SPINT2: variants seen among roughly 807,000 people sequenced by gnomAD.
The protein encoded by SPINT2 is serine peptidase inhibitor, Kunitz type 2.
SPINT2 carries 18 observed loss-of-function variants against 30.1 expected under a neutral mutation model. The observed-to-expected ratio is 0.60, with a 90% CI of 0.41 to 0.89. SPINT2 has a LOEUF of 0.89. Ranked by LOEUF, SPINT2 falls within the 40% of genes least tolerant of loss-of-function variation. The pLI, the probability that SPINT2 is intolerant of heterozygous loss-of-function variation, is 0.00. For synonymous variants in SPINT2, 139 were observed against 137.9 expected (o/e 1.01, Z -0.05); for missense variants, 276 against 334.3 (o/e 0.83, Z 1.36).
At chr19:38,274,289 C>T (rs1469771645) in intron 1 of SPINT2, among the ~76,000 whole-genome samples, 2 of 151,368 alleles carry the variant, frequency 1.3e-5, no homozygotes, top group East Asian at 1.9e-4. Flanking sequence ...TTAAAAACTC[C>T]TTTAATCTTC....
At chr19:38,283,601 T>A in intron 1 of SPINT2, 26 bp from the exon 2 acceptor site, 1 of 1,613,676 alleles carries the variant, frequency 6.2e-7, no homozygotes, top group South Asian at 1.1e-5. Flanking sequence ...CCTGCCAAGC[T>A]AACCGGGTTG....
intron 1 of SPINT2, among the ~76,000 whole-genome samples, chr19:38,268,762 CGCGCGT>C (rs1047095262): frequency 1.2e-3 from 154 of 127,868 alleles, no homozygotes; most frequent in African/African-American, 2.3e-3. Context: ...AGCATGCGCG[CGCGCGT>C]GTGTGTGTGT....
chr19:38,266,229 A>G (rs951064154), intron 1 of SPINT2, among the ~76,000 whole-genome samples: 2 of 152,076 alleles, frequency 1.3e-5, no homozygotes, highest in African/African-American at 4.8e-5. Flanking sequence ...CTGGAGGAGG[A>G]TGGGAGGTGG....
Position 38,264,807 on chromosome 19 carries a change from C to G in SPINT2, c.-86C>G. The stretch of plus-strand genomic sequence containing the variant: ...CACCTGAACGCGAGGCGCTCCATTG[C>G]GCGTGCGCGTTGAGGGGCTTCCCGC... On this transcript the variant is annotated 5_prime_UTR_variant, in exon 1 of 7. Coordinates refer to ENST00000301244, the MANE Select transcript of SPINT2 (RefSeq NM_021102.4). 1 of 1,383,386 alleles carries G rather than the reference C, an allele frequency of 7.2e-7. No individual in the cohort carries two copies. The highest frequency in any genetic ancestry group is 9.9e-7 in the Non-Finnish European group (1 of 1,015,144). 85.7% of individuals were successfully genotyped at this position (1,383,386 alleles called of 1,614,324 possible).
chr19:38,268,836 ATGC>A (rs1968413639), intron 1 of SPINT2, among the ~76,000 whole-genome samples: 2 of 151,940 alleles, frequency 1.3e-5, no homozygotes, highest in African/African-American at 4.8e-5. Flanking sequence ...AGCTGCAGAT[ATGC>A]AGGATTTTTT....
In SPINT2 at chr19:38,292,147, C is replaced by A; in HGVS notation, c.*141C>A. 1 of 1,231,382 alleles carries A rather than the reference C, an allele frequency of 8.1e-7. No individual in the cohort carries two copies. 76.3% of individuals were successfully genotyped at this position (1,231,382 alleles called of 1,614,324 possible). ...GGAGGTAGGACGGCTGCTTCCTGGT[C>A]TGGCAGGGATGGGTTTGCTTTGGAA... On this transcript the variant is annotated 3_prime_UTR_variant, in exon 7 of 7. Transcript: ENST00000301244.
chr19:38,269,107 GT>G (rs373675862), intron 1 of SPINT2, among the ~76,000 whole-genome samples: 8,884 of 151,028 alleles, frequency 0.059, 293 homozygotes, highest in East Asian at 0.098. Flanking sequence ...GTTTTTTTGG[GT>G]TTTTTTTTGA....
chr19:38,280,971 G>A (rs576900269), intron 1 of SPINT2, among the ~76,000 whole-genome samples: 1 of 152,332 alleles, frequency 6.6e-6, no homozygotes, highest in South Asian at 2.1e-4. Context: ...ACTGTGGCAG[G>A]GCGGCGGAGA....
intron 2 of SPINT2, among the ~76,000 whole-genome samples, chr19:38,286,775 TC>T (rs888678292): frequency 1.3e-5 from 2 of 152,100 alleles, no homozygotes; most frequent in Non-Finnish European, 2.9e-5. Flanking sequence ...AGAGCGAGAC[TC>T]CGTTTCAAAA....
chr19:38,275,418 G>T (rs1968504849), intron 1 of SPINT2, among the ~76,000 whole-genome samples: 2 of 152,048 alleles, frequency 1.3e-5, no homozygotes, highest in African/African-American at 4.8e-5. Flanking sequence ...TCCGCCTCCT[G>T]AGTTCAAGTG....
chr19:38,283,583 A>G, intron 1 of SPINT2, 44 bp from the exon 2 acceptor site: 1 of 1,612,868 alleles, frequency 6.2e-7, no homozygotes, highest in Non-Finnish European at 8.5e-7. Flanking sequence ...CTTTGTTGCC[A>G]GGATTGCCCT....
At chr19:38,281,060 G>A (rs531225031) in intron 1 of SPINT2, among the ~76,000 whole-genome samples, 71 of 152,210 alleles carry the variant, frequency 4.7e-4, no homozygotes, top group South Asian at 1.5e-3. Flanking sequence ...TGGGTCCCAC[G>A]TGGGTCCTCT....
At chr19:38,270,043 G>A (rs1968435588) in intron 1 of SPINT2, among the ~76,000 whole-genome samples, 1 of 152,160 alleles carries the variant, frequency 6.6e-6, no homozygotes, top group Non-Finnish European at 1.5e-5. Context: ...GCACTTCCAA[G>A]GGATTTTCGA....
At chr19:38,288,781 G>T in intron 3 of SPINT2, 1 of 299,518 alleles carries the variant, frequency 3.3e-6, no homozygotes, top group South Asian at 3.3e-5. Flanking sequence ...TTTATCCTCT[G>T]CTAGCCCCCC....
chr19:38,282,636 G>A (rs1968592683), intron 1 of SPINT2, among the ~76,000 whole-genome samples: 1 of 152,196 alleles, frequency 6.6e-6, no homozygotes. Context: ...TTTTACTAAA[G>A]TAGGGCCAGA....
In SPINT2 at chr19:38,287,901, C is replaced by T. The variant is rs777990320; in HGVS notation, c.303C>T (p.Thr101=). 4 of 1,614,098 alleles carry T rather than the reference C, an allele frequency of 2.5e-6. No individual in the cohort carries two copies. The South Asian group carries it at 4.4e-5, about 18-fold the overall frequency. Residue 101 remains threonine, a synonymous_variant, in exon 3 of 7, where the codon ACC becomes ACT. Coordinates refer to ENST00000301244, the MANE Select transcript of SPINT2 (RefSeq NM_021102.4). ...AGAATGCCACGGGTGACCTGGCCAC[C>T]AGCAGGAATGCAGCGGATTCCTCTG... ...VTENATGDLA[T]SRNAADSSVP...
At chr19:38,278,232 A>AT (rs1470744532) in intron 1 of SPINT2, among the ~76,000 whole-genome samples, 1 of 152,076 alleles carries the variant, frequency 6.6e-6, no homozygotes, top group Non-Finnish European at 1.5e-5. Flanking sequence ...TCAGATTGTG[A>AT]TAAAGACCCT....
At position 38,288,066 on chromosome 19, in the gene SPINT2, G is replaced by A. The variant is rs1012340343; in HGVS notation, c.337+131G>A. 5.5e-5 allele frequency: 58 copies of A among 1,048,052 alleles called. 1 individual carries two copies. The South Asian group carries it at 7.0e-4, about 13-fold the overall frequency. The allele number at this position is 1,048,052 out of a possible 1,614,324, so 64.9% of individuals were successfully genotyped here. A position where few individuals can be genotyped will look rare whatever the true frequency, so the allele number is the denominator to read the frequency against. The stretch of plus-strand genomic sequence containing the variant: ...GTTTACTCAAAATTGGCAAACCGGG[G>A]GCTCTGCCTGGGCTGCCGGCTTCTG... On this transcript the variant is annotated intron_variant, in intron 3 of 6. Coordinates refer to ENST00000301244, the MANE Select transcript of SPINT2 (RefSeq NM_021102.4).
rs757499376 is a variant in SPINT2, at chr19:38,290,500, G to T, written c.554-37G>T. The T allele has an allele frequency of 1.9e-6, 3 of 1,613,972 alleles. No individual in the cohort carries two copies. Among genetic ancestry groups the T allele is most frequent in the Admixed American group, 3.3e-5 (2 of 60,032 alleles). On this transcript the variant is annotated intron_variant, in intron 5 of 6. Coordinates refer to ENST00000301244, the MANE Select transcript of SPINT2 (RefSeq NM_021102.4). The surrounding 1 kb of genome is among the most constrained non-coding windows in gnomAD (Gnocchi z 4.3). ...CCTGCGGCAGCTCTGTGGAATGGGG[G>T]CTGTGAGCTGACCTCAGGCTGTGTG...
Sources: gnomAD v4.1 joint callset for allele counts (sites outside exome capture counted in the v4.1 genomes callset) on GRCh38, gnomAD v4.1.1 for gene constraint, Gnocchi (gnomAD v3.1) non-coding constraint, MANE v1.5 for transcripts, NCBI Gene and HGNC (gene_info 2026-07-23, HGNC 2026-07-21) for gene names.